The following AKAP9 variants were observed in gnomAD, a reference collection of about 807,000 sequenced individuals.
The protein encoded by AKAP9 is A-kinase anchoring protein 9, also known as A-kinase anchor protein 9.
AKAP9 carries 311 observed loss-of-function variants against 488.5 expected under a neutral mutation model. The observed-to-expected ratio is 0.64, with a 90% CI of 0.58 to 0.70. The LOEUF is 0.70. Ranked by LOEUF, AKAP9 falls within the 30% of genes least tolerant of loss-of-function variation. The pLI is 0.00. For missense variants in AKAP9, 4,215 were observed against 4,374.5 expected (o/e 0.96, Z 1.03); for synonymous variants, 1,462 against 1,483.5 (o/e 0.99, Z 0.33).
intron 28 of AKAP9, among the ~76,000 whole-genome samples, chr7:92,072,347 C>T (rs941736177): frequency 4.6e-5 from 7 of 152,116 alleles, no homozygotes; most frequent in African/African-American, 1.7e-4. Flanking sequence ...AGAGGTTAAA[C>T]TGACAGCTGA....
At position 92,107,150 on chromosome 7, in the gene AKAP9, T is replaced by G. The variant is rs12538678; in HGVS notation, c.11417-143T>G. The G allele has an allele frequency of 0.72, 611,021 of 852,696 alleles. 220,336 individuals are homozygous for G. Among genetic ancestry groups the G allele is most frequent in the African/African-American group, 0.84 (49,069 of 58,540 alleles). The allele number at this position is 852,696 out of a possible 1,614,324, so 52.8% of individuals were successfully genotyped here. A position where few individuals can be genotyped will look rare whatever the true frequency, so the allele number is the denominator to read the frequency against. ...TTTGTTTGTACTGTTTTCTCCTTTA[T>G]CAAGAATAATAGAAAATGACTATAA... On this transcript the variant is annotated intron_variant, in intron 47 of 49. Transcript: ENST00000356239.
chr7:92,073,260 G>T (rs1812017969), intron 28 of AKAP9, among the ~76,000 whole-genome samples: 1 of 151,928 alleles, frequency 6.6e-6, no homozygotes, highest in African/African-American at 2.4e-5. Flanking sequence ...ACTTTGGGAG[G>T]CCGAGGTGGG....
chr7:92,102,483 ACTACTACC>A, intron 45 of AKAP9, 103 bp from the exon 46 acceptor site: 1 of 712,558 alleles, frequency 1.4e-6, no homozygotes, highest in Non-Finnish European at 2.5e-6. Flanking sequence ...TACTACTACT[ACTACTACC>A]ACCACCACCA....
At chr7:92,057,433 G>C (rs555446116) in intron 22 of AKAP9, among the ~76,000 whole-genome samples, 10 of 152,146 alleles carry the variant, frequency 6.6e-5, no homozygotes, top group African/African-American at 2.4e-4. Flanking sequence ...TCAAAGCCCT[G>C]ACGTGGAACT....
intron 3 of AKAP9, among the ~76,000 whole-genome samples, chr7:91,985,222 C>G (rs1003181346): frequency 3.3e-5 from 5 of 152,246 alleles, no homozygotes; most frequent in Admixed American, 6.5e-5. Flanking sequence ...CCAGTTTTTG[C>G]CCATTCAGTA....
Position 92,110,130 on chromosome 7 carries a change from ACTC to A in AKAP9, c.11696_11698del (p.Thr3899_Gln3900delinsLys). On this transcript the variant is annotated inframe_deletion, in exon 50 of 50. Coordinates refer to ENST00000356239, the MANE Select transcript of AKAP9 (RefSeq NM_005751.5). Reference sequence around the variant, plus strand: ...CTGTTTTTCTCTCATAGGTTCAACTACTCAATTTCATGCTGGCATGAGAAGATA... The same window carrying A: ...CTGTTTTTCTCTCATAGGTTCAACTAAATTTCATGCTGGCATGAGAAGATA... 1 of 1,601,550 alleles carries A rather than the reference ACTC, an allele frequency of 6.2e-7. No individual in the cohort carries two copies. The highest frequency in any genetic ancestry group is 8.5e-7 in the Non-Finnish European group (1 of 1,171,668).
intron 45 of AKAP9, among the ~76,000 whole-genome samples, chr7:92,102,287 TTAA>T (rs1288631969): frequency 4.6e-5 from 7 of 151,138 alleles, no homozygotes; most frequent in Non-Finnish European, 1.0e-4. Context: ...ATTAATATGA[TTAA>T]TGAGGGCTAA....
rs1047090991 is a variant in AKAP9, at chr7:92,104,060, C to T, written c.11330+1234C>T. 4.6e-5 allele frequency among the ~76,000 whole-genome samples: 7 copies of T among 152,278 alleles called. No homozygotes were observed. In the South Asian group the frequency reaches 8.3e-4, roughly 18 times the overall value. ...ACTACAGTCTTCTGACCTGGTTATA[C>T]GCATACAAACACCAAGGCTTCTCCA... On this transcript the variant is annotated intron_variant, in intron 46 of 49. Transcript: ENST00000356239.
intron 31 of AKAP9, among the ~76,000 whole-genome samples, chr7:92,081,343 G>A (rs10271681): frequency 0.4 from 59,920 of 149,166 alleles, 12,306 homozygotes; most frequent in African/African-American, 0.47. Context: ...TCGCTCTGTC[G>A]CCCAGGCTGG....
chr7:92,061,203 G>A, intron 22 of AKAP9, 57 bp from the exon 23 acceptor site: 17 of 1,587,976 alleles, frequency 1.1e-5, no homozygotes, highest in Non-Finnish European at 1.4e-5. Context: ...AATAGGGAAT[G>A]AAACTAGTAT....
chr7:91,946,106 T>C (rs1791424047), intron 1 of AKAP9, among the ~76,000 whole-genome samples: 1 of 152,228 alleles, frequency 6.6e-6, no homozygotes, highest in African/African-American at 2.4e-5. Context: ...TGGTGCTCCA[T>C]GCAAGCTGTA....
intron 18 of AKAP9, 106 bp downstream of exon 18, chr7:92,041,004 A>ATTTT (rs34494828): frequency 2.1e-5 from 16 of 759,798 alleles, no homozygotes; most frequent in African/African-American, 5.6e-5. Context: ...TGTAGCCATA[A>ATTTT]TTTTTTTTTT....
rs190970720 is a variant in AKAP9 at position 91,954,211 on chromosome 7, T to C, written c.48+13064T>C. On this transcript the variant is annotated intron_variant, in intron 1 of 49. Transcript: ENST00000356239. ...TCAGCTTCCTTGCCTGCATGTCAGT[T>C]TGCACATGACCAAAATTATGGGATG... is the stretch of plus-strand genomic sequence containing the variant. 2.2e-3 allele frequency among the ~76,000 whole-genome samples: 337 copies of C among 152,328 alleles called. 1 individual carries two copies. Among genetic ancestry groups the C allele is most frequent in the Non-Finnish European group, 2.1e-3 (141 of 68,014 alleles).
At chr7:92,041,034 A>G (rs1433336040) in intron 18 of AKAP9, 136 bp downstream of exon 18, 1 of 687,830 alleles carries the variant, frequency 1.5e-6, no homozygotes, top group Non-Finnish European at 2.5e-6. Flanking sequence ...AAATCTGAAT[A>G]AACTACATAT....
In AKAP9 at chr7:92,001,945, A is replaced by G. The variant is rs774286914; in HGVS notation, c.2028A>G (p.Gln676=). The change falls in exon 8 of 50, where the codon CAA becomes CAG. Residue 676 remains glutamine (Q), a synonymous_variant. Transcript: ENST00000356239. ...ATGGTTTACAGAATGAAATGAGTCA[A>G]AAGATAGAAACCATGCAGTTTGAAA... The part of the protein sequence containing the change: ...QIDGLQNEMS[Q]KIETMQFEKD... The G allele has an allele frequency of 6.2e-7, 1 of 1,613,060 alleles. No homozygotes were observed.
intron 22 of AKAP9, among the ~76,000 whole-genome samples, chr7:92,053,385 A>C (rs1808301926): frequency 6.6e-6 from 1 of 152,170 alleles, no homozygotes; most frequent in Admixed American, 6.5e-5. Context: ...TTGTCTTTTG[A>C]TAAGCAACGT....
intron 20 of AKAP9, among the ~76,000 whole-genome samples, chr7:92,043,994 A>T (rs10234434): frequency 0.4 from 60,666 of 152,090 alleles, 12,392 homozygotes; most frequent in African/African-American, 0.46. Context: ...AAGAAAATTA[A>T]TCAGGCAGTC....
chr7:92,055,600 T>TAA (rs1247058861), intron 22 of AKAP9, among the ~76,000 whole-genome samples: 3 of 152,074 alleles, frequency 2.0e-5, no homozygotes, highest in Non-Finnish European at 4.4e-5. Context: ...AAATATACAT[T>TAA]AAAATCTTGA....
chr7:91,955,851 C>G (rs1028999406), intron 1 of AKAP9, among the ~76,000 whole-genome samples: 2 of 152,088 alleles, frequency 1.3e-5, no homozygotes, highest in African/African-American at 4.8e-5. Context: ...CCAGGCTGGT[C>G]TCGAACTCCT....
Sources: allele counts gnomAD v4.1 joint callset (sites outside exome capture counted in the v4.1 genomes callset), GRCh38; gene constraint gnomAD v4.1.1; transcripts MANE v1.5; gene names NCBI Gene and HGNC (gene_info 2026-07-23, HGNC 2026-07-21).